The following AKT2 variants were observed in gnomAD, a reference collection of about 807,000 sequenced individuals.
The protein encoded by AKT2 is RAC-beta serine/threonine-protein kinase.
A neutral mutation model predicts 58.6 loss-of-function variants in AKT2; 16 were observed. That is an observed-to-expected ratio of 0.27 (90% CI 0.18 to 0.41). The LOEUF (loss-of-function observed/expected upper bound fraction) is 0.41. Among genes scored for constraint, AKT2 ranks in the 10% least tolerant of loss-of-function variants. AKT2 has a pLI of 1.00. For synonymous variants in AKT2, 253 were observed against 254.0 expected (o/e 1.00, Z 0.04); for missense variants, 438 against 661.0 (o/e 0.66, Z 3.70).
chr19:40,275,604 T>C (rs2145415196), intron 1 of AKT2: 4 of 286,450 alleles, frequency 1.4e-5, no homozygotes, highest in South Asian at 1.3e-4. Flanking sequence ...GACCTTTCCA[T>C]AACGACAGAA....
At chr19:40,280,754 C>T (rs1049989757) in intron 1 of AKT2, 5 of 152,628 alleles carry the variant, frequency 3.3e-5, no homozygotes, top group Admixed American at 1.3e-4. Flanking sequence ...GCTGTTCCTT[C>T]TCCTCCCATC....
chr19:40,248,102 G>A (rs545552671), intron 4 of AKT2, among the ~76,000 whole-genome samples: 1 of 152,332 alleles, frequency 6.6e-6, no homozygotes, highest in Admixed American at 6.5e-5. Context: ...GTGGGTGAGA[G>A]GACAGGCTCT....
chr19:40,255,394 G>A (rs916046264), intron 3 of AKT2, 125 bp from the exon 4 acceptor site: 7 of 720,900 alleles, frequency 9.7e-6, no homozygotes, highest in Admixed American at 2.0e-5. Flanking sequence ...GACACTCTAG[G>A]GACTGAGACA....
intron 4 of AKT2, among the ~76,000 whole-genome samples, chr19:40,249,121 G>A (rs999355117): frequency 1.3e-5 from 2 of 152,046 alleles, no homozygotes; most frequent in African/African-American, 2.4e-5. Context: ...CGGCCTCTAC[G>A]TGCCACCATG....
chr19:40,267,921 C>T (rs1404163271), intron 1 of AKT2, among the ~76,000 whole-genome samples: 2 of 146,914 alleles, frequency 1.4e-5, no homozygotes, highest in African/African-American at 5.1e-5. Context: ...TGCGAGCAGA[C>T]ACCCGAGTTA....
intron 1 of AKT2, chr19:40,279,742 G>A (rs973418247): frequency 6.6e-6 from 1 of 152,076 alleles, no homozygotes; most frequent in East Asian, 1.9e-4. Flanking sequence ...ACTCACCAGG[G>A]GCTACTGAGC....
At chr19:40,265,416 A>G in intron 1 of AKT2, 65 bp from the exon 2 acceptor site, 2 of 1,520,652 alleles carry the variant, frequency 1.3e-6, no homozygotes, top group South Asian at 1.2e-5. Flanking sequence ...TTCCCTGAGG[A>G]CGCCGGGCTC....
At chr19:40,271,603 G>C (rs1310541407) in intron 1 of AKT2, among the ~76,000 whole-genome samples, 3 of 152,142 alleles carry the variant, frequency 2.0e-5, no homozygotes, top group African/African-American at 4.8e-5. Context: ...AGCGTCTTGT[G>C]AGAACATTCT....
Position 40,238,913 on chromosome 19 carries a change from C to T in AKT2, c.700G>A (p.Gly234Arg), listed in dbSNP as rs1974198826. ...AGGCAGCCGCGGCTCACCTCACCCC[C>T]GTTGGCATACTCCATCACAAAGCAC... is the stretch of plus-strand genomic sequence containing the variant. Reference protein sequence around the residue: ...RLCFVMEYANGGELFFHLSRE... With the variant: ...RLCFVMEYANRGELFFHLSRE... Residue 234 changes from glycine (G) to arginine (R), a missense_variant, in exon 8 of 14, where the codon GGG becomes AGG. Gly to Arg is a moderately radical substitution (Grantham distance 125, BLOSUM62 -2). Coordinates refer to ENST00000392038, the MANE Select transcript of AKT2 (RefSeq NM_001626.6). The surrounding 1 kb of genome is among the most constrained non-coding windows in gnomAD (Gnocchi z 5.1). 1 of 1,614,124 alleles carries T rather than the reference C, an allele frequency of 6.2e-7. No individual in the cohort carries two copies. The highest frequency in any genetic ancestry group is 8.5e-7 in the Non-Finnish European group (1 of 1,180,020).
At chr19:40,278,992 T>C (rs1202945846) in intron 1 of AKT2, 3 of 151,240 alleles carry the variant, frequency 2.0e-5, no homozygotes, top group Non-Finnish European at 4.4e-5. Context: ...CACCAGACCA[T>C]GAAGAACTTG....
intron 2 of AKT2, among the ~76,000 whole-genome samples, chr19:40,262,959 C>T (rs1226828012): frequency 6.6e-6 from 1 of 152,180 alleles, no homozygotes; most frequent in Non-Finnish European, 1.5e-5. Flanking sequence ...GAAAGATGGG[C>T]ACTGGGAAGG....
chr19:40,264,506 C>T (rs556135143), intron 2 of AKT2, among the ~76,000 whole-genome samples: 89 of 152,238 alleles, frequency 5.8e-4, no homozygotes, highest in Admixed American at 1.8e-3. Context: ...CTGGACTCCG[C>T]GTTGCTCCTC....
At chr19:40,248,662 G>A (rs1218712720) in intron 4 of AKT2, among the ~76,000 whole-genome samples, 1 of 152,268 alleles carries the variant, frequency 6.6e-6, no homozygotes, top group African/African-American at 2.4e-5. Flanking sequence ...GGAGCAAGCT[G>A]GGGTGTCTGT....
chr19:40,285,201 G>A lies in AKT2; in HGVS notation c.-105C>T. 1 of 394,894 alleles carries A rather than the reference G, an allele frequency of 2.5e-6. No homozygotes were observed. The highest frequency in any genetic ancestry group is 1.3e-4 in the South Asian group (1 of 7,834). The allele number at this position is 394,894 out of a possible 1,614,324, so 24.5% of individuals were successfully genotyped here. A position where few individuals can be genotyped will look rare whatever the true frequency, so the allele number is the denominator to read the frequency against. ...CTCACCTGTCACCGGCAGCCGCCCA[G>A]CCTCTCCGGCGGGGCTCTACCCCCG... On this transcript the variant is annotated 5_prime_UTR_variant, in exon 1 of 14. Transcript: ENST00000392038.
rs145305228 is a variant in AKT2 at position 40,236,026 on chromosome 19, G to A, written c.1039C>T (p.Arg347Cys). 3.3e-5 allele frequency: 53 copies of A among 1,613,968 alleles called. No individual in the cohort carries two copies. Among genetic ancestry groups the A allele is most frequent in the Non-Finnish European group, 4.3e-5 (51 of 1,180,038 alleles). Reference sequence around the variant, plus strand: ...TGGTCCTGGTTGTAGAAGGGCAGGCGGCCGCACATCATCTCGTACATGACC... The same window carrying A: ...TGGTCCTGGTTGTAGAAGGGCAGGCAGCCGCACATCATCTCGTACATGACC... ...GVVMYEMMCGRLPFYNQDHER... is the reference protein window; with the variant it reads ...GVVMYEMMCGCLPFYNQDHER... The change falls in exon 11 of 14, where the codon CGC becomes TGC. Residue 347 changes from arginine to cysteine, a missense_variant. By Grantham distance (180) the Arg-to-Cys change is radical (BLOSUM62 -3). Transcript: ENST00000392038.
At chr19:40,268,092 G>A (rs181116310) in intron 1 of AKT2, among the ~76,000 whole-genome samples, 406 of 151,548 alleles carry the variant, frequency 2.7e-3, no homozygotes, top group Non-Finnish European at 4.5e-3. Context: ...GGGACTGAGA[G>A]AAGCCCGTCC....
rs569075005 is a variant in AKT2 at position 40,230,728 on chromosome 19, T to A, written c.*3144A>T. ...TAGCATGTATCATGTTTTTTTTTTTTTTATTTTTAGAGACACAGTCTCATT... is the reference window on the plus strand; with the variant it reads ...TAGCATGTATCATGTTTTTTTTTTTATTATTTTTAGAGACACAGTCTCATT... On this transcript the variant is annotated 3_prime_UTR_variant, in exon 14 of 14. Transcript: ENST00000392038. 1.6e-3 allele frequency: 323 copies of A among 206,906 alleles called. No individual in the cohort carries two copies. The highest frequency in any genetic ancestry group is 2.7e-3 in the Admixed American group (46 of 16,890). 12.8% of individuals were successfully genotyped at this position (206,906 alleles called of 1,614,324 possible).
At chr19:40,271,426 C>CAAAA (rs60327122) in intron 1 of AKT2, among the ~76,000 whole-genome samples, 2 of 68,560 alleles carry the variant, frequency 2.9e-5, no homozygotes, top group Non-Finnish European at 6.3e-5. Context: ...GACCCTGTCT[C>CAAAA]AAAAAAAAAA....
chr19:40,280,161 C>T (rs1207589997), intron 1 of AKT2, among the ~76,000 whole-genome samples: 1 of 152,252 alleles, frequency 6.6e-6, no homozygotes, highest in Non-Finnish European at 1.5e-5. Context: ...CGCAGGCCTA[C>T]AGGCCCACGG....
Sources: gnomAD v4.1 joint callset for allele counts (sites outside exome capture counted in the v4.1 genomes callset) on GRCh38, gnomAD v4.1.1 for gene constraint, Gnocchi (gnomAD v3.1) non-coding constraint, MANE v1.5 for transcripts, NCBI Gene and HGNC (gene_info 2026-07-23, HGNC 2026-07-21) for gene names.